The following RRAS2 variants were observed in gnomAD, a reference collection of about 807,000 sequenced individuals.
RRAS2 encodes the protein ras-related protein R-Ras2.
In RRAS2, 7 loss-of-function variants were observed where a neutral mutation model predicts 27.6. That is an observed-to-expected ratio of 0.25 (90% CI 0.14 to 0.48). The LOEUF is 0.48. RRAS2 is among the 20% of genes least tolerant of loss of function. The probability of loss-of-function intolerance (pLI) is 0.99; values close to 1 mark genes in which losing one functional copy is unlikely to be tolerated. For missense variants in RRAS2, 178 were observed against 256.2 expected, an observed-to-expected ratio of 0.69 and a Z score of 2.08; for synonymous variants, 86 against 90.9, an observed-to-expected ratio of 0.95 and a Z score of 0.31.
At chr11:14,299,682 A>T (rs1324208648) in intron 1 of RRAS2, among the ~76,000 whole-genome samples, 1 of 152,170 alleles carries the variant, frequency 6.6e-6, no homozygotes, top group African/African-American at 2.4e-5. Context: ...TGAAGCACCT[A>T]CTAAGTACTC....
chr11:14,332,577 T>A (rs902792980), intron 1 of RRAS2, among the ~76,000 whole-genome samples: 1 of 152,204 alleles, frequency 6.6e-6, no homozygotes, highest in South Asian at 2.1e-4. Flanking sequence ...AAAATCATCA[T>A]GCCAAGCAAA....
chr11:14,292,522 G>A (rs1387740440), intron 4 of RRAS2, among the ~76,000 whole-genome samples: 14 of 151,964 alleles, frequency 9.2e-5, no homozygotes, highest in African/African-American at 3.4e-4. Flanking sequence ...CACAGGCAGG[G>A]TCCACTGGGC....
intron 1 of RRAS2, among the ~76,000 whole-genome samples, chr11:14,346,913 G>A (rs534808420): frequency 8.5e-5 from 13 of 152,276 alleles, no homozygotes; most frequent in African/African-American, 3.1e-4. Context: ...CCAGCCCTGT[G>A]GGAGGCCAAG....
At chr11:14,325,649 T>C (rs549031263) in intron 1 of RRAS2, among the ~76,000 whole-genome samples, 3 of 152,180 alleles carry the variant, frequency 2.0e-5, no homozygotes, top group Non-Finnish European at 4.4e-5. Flanking sequence ...AGATTAACAA[T>C]TAGAATTGAC....
intron 1 of RRAS2, among the ~76,000 whole-genome samples, chr11:14,312,558 T>C (rs180987150): frequency 9.2e-5 from 14 of 152,316 alleles, no homozygotes; most frequent in Admixed American, 9.2e-4. Flanking sequence ...TAGCTGGGAC[T>C]GTAGGTGCAT....
intron 1 of RRAS2, among the ~76,000 whole-genome samples, chr11:14,299,760 T>C (rs750685010): frequency 6.1e-4 from 93 of 152,112 alleles, no homozygotes; most frequent in Non-Finnish European, 6.8e-4. Context: ...CAACCACCAG[T>C]AGTTGAGGTA....
At chr11:14,339,339 C>T (rs1443052488) in intron 1 of RRAS2, among the ~76,000 whole-genome samples, 6 of 148,984 alleles carry the variant, frequency 4.0e-5, no homozygotes, top group African/African-American at 1.2e-4. Flanking sequence ...ATAAAAAGAC[C>T]GATCCATTTT....
At chr11:14,293,332 C>A (rs1554946097) in intron 4 of RRAS2, among the ~76,000 whole-genome samples, 1 of 151,058 alleles carries the variant, frequency 6.6e-6, no homozygotes, top group East Asian at 1.9e-4. Flanking sequence ...AATCTGTAAA[C>A]ACAACATAAT....
intron 1 of RRAS2, among the ~76,000 whole-genome samples, chr11:14,303,862 G>A (rs1433451823): frequency 6.6e-6 from 1 of 152,138 alleles, no homozygotes; most frequent in Middle Eastern, 3.2e-3. Flanking sequence ...CACCAATTAA[G>A]TGTGATGTTC....
chr11:14,333,116 TA>T (rs1591478970), intron 1 of RRAS2, among the ~76,000 whole-genome samples: 1 of 152,196 alleles, frequency 6.6e-6, no homozygotes, highest in Admixed American at 6.5e-5. Context: ...AATCATAGTA[TA>T]AGCAACTTAT....
At chr11:14,303,277 C>T (rs542895188) in intron 1 of RRAS2, among the ~76,000 whole-genome samples, 11 of 152,312 alleles carry the variant, frequency 7.2e-5, no homozygotes, top group South Asian at 2.1e-4. Context: ...CTTATCCTTT[C>T]ATGTATGTGT....
chr11:14,301,143 G>A (rs1847691260), intron 1 of RRAS2, among the ~76,000 whole-genome samples: 1 of 152,166 alleles, frequency 6.6e-6, no homozygotes, highest in Non-Finnish European at 1.5e-5. Context: ...GAAAAGGAAA[G>A]GAGAGAACGG....
chr11:14,352,920 TG>T, intron 1 of RRAS2, among the ~76,000 whole-genome samples: 1 of 151,774 alleles, frequency 6.6e-6, no homozygotes, highest in Non-Finnish European at 1.5e-5. Flanking sequence ...CCTCAGCTCC[TG>T]AGTAGTAGCT....
chr11:14,294,851 C>A lies in RRAS2; in HGVS notation c.208G>T (p.Ala70Ser). 1 of 1,613,368 alleles carries A rather than the reference C, an allele frequency of 6.2e-7. No homozygotes were observed. Among genetic ancestry groups the A allele is most frequent in the Non-Finnish European group, 8.5e-7 (1 of 1,179,588 alleles). Residue 70 changes from alanine to serine, a missense_variant, in exon 3 of 6, where the codon GCA (alanine) becomes TCA (serine). Physicochemically the swap from Ala to Ser is moderately conservative, Grantham distance 99. Coordinates refer to ENST00000256196, the MANE Select transcript of RRAS2 (RefSeq NM_012250.6). ...RAARLDILDT[A>S]GQEEFGAMRE... ...ATGGCTCCAAACTCTTCTTGTCCTG[C>A]TGTATCCAAAACTAAAGAAAAAACA...
chr11:14,364,163 C>T (rs1420574663), upstream of RRAS2, among the ~76,000 whole-genome samples: 1 of 152,244 alleles, frequency 6.6e-6, no homozygotes, highest in Non-Finnish European at 1.5e-5. Context: ...TATTTCAGGA[C>T]AAACAATGAC....
Position 14,318,519 on chromosome 11 carries a change from C to A in RRAS2, c.109-22664G>T, listed in dbSNP as rs1230443166. Among the ~76,000 whole-genome samples, 178 of 143,884 alleles carry A rather than the reference C, an allele frequency of 1.2e-3. 2 individuals carry two copies. Among genetic ancestry groups the A allele is most frequent in the East Asian group, 6.0e-3 (30 of 5,006 alleles). The allele number at this position is 143,884 out of a possible 152,430, so 94.4% of individuals were successfully genotyped here. A position where few individuals can be genotyped will look rare whatever the true frequency, so the allele number is the denominator to read the frequency against. On this transcript the variant is annotated intron_variant, in intron 1 of 5. Coordinates refer to ENST00000256196, the MANE Select transcript of RRAS2 (RefSeq NM_012250.6). Reference sequence around the variant, plus strand: ...ATCTGTCTCAAAACAAACAAACAAACAAAAAAAAAAACCTTGAGTGCCCAG... The same window carrying A: ...ATCTGTCTCAAAACAAACAAACAAAAAAAAAAAAAAACCTTGAGTGCCCAG...
At chr11:14,342,039 T>C in intron 1 of RRAS2, 2 of 726,186 alleles carry the variant, frequency 2.8e-6, no homozygotes, top group Non-Finnish European at 3.5e-6. Flanking sequence ...CTAGCTTTTA[T>C]CAGTAGCCAT....
chr11:14,346,596 A>G (rs936773714), intron 1 of RRAS2, among the ~76,000 whole-genome samples: 1 of 152,226 alleles, frequency 6.6e-6, no homozygotes, highest in East Asian at 1.9e-4. Flanking sequence ...TTAATCTTAG[A>G]TATGTTTTCA....
At chr11:14,287,857 G>A (rs1435442436) in intron 4 of RRAS2, among the ~76,000 whole-genome samples, 1 of 132,878 alleles carries the variant, frequency 7.5e-6, no homozygotes, top group Non-Finnish European at 1.5e-5. Flanking sequence ...GGTTGACAGA[G>A]CAAGACTCTG....
Sources: gnomAD v4.1 joint callset for allele counts (sites outside exome capture counted in the v4.1 genomes callset) on GRCh38, gnomAD v4.1.1 for gene constraint, MANE v1.5 for transcripts, NCBI Gene and HGNC (gene_info 2026-07-23, HGNC 2026-07-21) for gene names.